Variants in GLI3 observed in about 807,000 individuals in gnomAD.
GLI3 encodes the protein transcription activator GLI3.
GLI3 carries 20 observed loss-of-function variants against 100.8 expected under a neutral mutation model. The observed-to-expected ratio is 0.20, with a 90% CI of 0.14 to 0.29. GLI3 has a LOEUF of 0.29. GLI3 is among the 10% of genes least tolerant of loss of function. The probability of loss-of-function intolerance (pLI) is 1.00; values close to 1 mark genes in which losing one functional copy is unlikely to be tolerated. For synonymous variants in GLI3, 938 were observed against 860.5 expected (o/e 1.09, Z -1.58); for missense variants, 2,040 against 2,128.5 (o/e 0.96, Z 0.82).
At chr7:42,187,643 G>A (rs984370400) in intron 2 of GLI3, among the ~76,000 whole-genome samples, 11 of 152,174 alleles carry the variant, frequency 7.2e-5, no homozygotes, top group Non-Finnish European at 1.2e-4. Flanking sequence ...CTTTGCAGAT[G>A]TAATTTGTAA....
intron 1 of GLI3, among the ~76,000 whole-genome samples, chr7:42,224,339 G>T (rs1421091262): frequency 6.6e-6 from 1 of 152,188 alleles, no homozygotes; most frequent in Non-Finnish European, 1.5e-5. Flanking sequence ...AATGAAATAA[G>T]CAACTGCTTG....
At chr7:42,127,359 C>T (rs556860235) in intron 3 of GLI3, among the ~76,000 whole-genome samples, 88 of 152,340 alleles carry the variant, frequency 5.8e-4, no homozygotes, top group African/African-American at 1.8e-3. Flanking sequence ...AACACACTGA[C>T]ATGTACTTCA....
chr7:41,989,135 G>C (rs574534007), intron 10 of GLI3, among the ~76,000 whole-genome samples: 1 of 152,164 alleles, frequency 6.6e-6, no homozygotes, highest in South Asian at 2.1e-4. Flanking sequence ...AATTGATTAG[G>C]GGCTTAATTA....
chr7:42,223,261 T>C lies in GLI3; in HGVS notation c.-8A>G, dbSNP rs752520783. On this transcript the variant is annotated 5_prime_UTR_variant, in exon 2 of 15. Transcript: ENST00000395925. ...GTGGGACTGGGCCTCCATGATGTCTTCTCATTACTTCAGCTCTCTTCGACC... is the reference window on the plus strand; with the variant it reads ...GTGGGACTGGGCCTCCATGATGTCTCCTCATTACTTCAGCTCTCTTCGACC... 4 of 1,612,640 alleles carry C rather than the reference T, an allele frequency of 2.5e-6. No individual in the cohort carries two copies. Among genetic ancestry groups the C allele is most frequent in the Non-Finnish European group, 3.4e-6 (4 of 1,179,266 alleles).
chr7:42,155,476 C>T (rs1483230571), intron 2 of GLI3, among the ~76,000 whole-genome samples: 2 of 151,530 alleles, frequency 1.3e-5, no homozygotes, highest in African/African-American at 2.4e-5. Context: ...AAATGCCCTC[C>T]ATCAGAGCCA....
chr7:41,982,002 G>C (rs998763911), intron 10 of GLI3, among the ~76,000 whole-genome samples: 6 of 152,072 alleles, frequency 3.9e-5, no homozygotes, highest in African/African-American at 1.4e-4. Context: ...GGGGAGGGGT[G>C]GGGGAAACTT....
intron 10 of GLI3, among the ~76,000 whole-genome samples, chr7:42,009,535 G>A (rs528035342): frequency 3.2e-5 from 4 of 126,698 alleles, no homozygotes; most frequent in Admixed American, 9.6e-5. Flanking sequence ...TTGGTTCATC[G>A]TGCCATTTGT....
At chr7:42,118,452 C>T (rs1785914009) in intron 3 of GLI3, 1 of 396,184 alleles carries the variant, frequency 2.5e-6, no homozygotes, top group African/African-American at 2.1e-5. Flanking sequence ...CACACCAAGT[C>T]TAACACACAG....
At chr7:42,209,415 C>T (rs944558718) in intron 2 of GLI3, among the ~76,000 whole-genome samples, 1 of 152,174 alleles carries the variant, frequency 6.6e-6, no homozygotes, top group Non-Finnish European at 1.5e-5. Context: ...TCTTCAGTGG[C>T]TTTTAACCCA....
At position 41,967,794 on chromosome 7, in the gene GLI3, C is replaced by T. The variant is rs142249104; in HGVS notation, c.2233G>A (p.Asp745Asn). 1.1e-5 allele frequency: 18 copies of T among 1,614,050 alleles called. No homozygotes were observed. The highest frequency in any genetic ancestry group is 5.5e-5 in the South Asian group (5 of 91,084). The change falls in exon 14 of 15, where the codon GAT becomes AAT. Residue 745 changes from aspartate to asparagine, a missense_variant. By Grantham distance (23) the Asp-to-Asn change is conservative (BLOSUM62 1). Coordinates refer to ENST00000395925, the MANE Select transcript of GLI3 (RefSeq NM_000168.6). ...GGSIGDLSAIDETPIMDSTIS... is the reference protein window; with the variant it reads ...GGSIGDLSAINETPIMDSTIS... ...GTTGAGTCCATGATTGGGGTTTCATCGATGGCACTGAGGTCTCCTATACTA... is the reference window on the plus strand; with the variant it reads ...GTTGAGTCCATGATTGGGGTTTCATTGATGGCACTGAGGTCTCCTATACTA...
chr7:42,057,193 A>G (rs941319533), intron 4 of GLI3, among the ~76,000 whole-genome samples: 2 of 152,208 alleles, frequency 1.3e-5, no homozygotes, highest in African/African-American at 4.8e-5. Flanking sequence ...ATTTTGAATT[A>G]TACTTTATTT....
chr7:42,118,474 C>A, intron 3 of GLI3: 1 of 395,340 alleles, frequency 2.5e-6, no homozygotes, highest in Non-Finnish European at 4.5e-6. Flanking sequence ...AACTAGAGAC[C>A]CCTAGCCCCC....
chr7:42,115,086 C>CAAA (rs1785816767), intron 3 of GLI3, among the ~76,000 whole-genome samples: 1 of 144,316 alleles, frequency 6.9e-6, no homozygotes, highest in African/African-American at 2.5e-5. Flanking sequence ...GGGTAGGAGA[C>CAAA]AAAAATGTAA....
At chr7:42,084,901 CTTTTTTTTTTTTTTTTT>C (rs747166719) in intron 3 of GLI3, among the ~76,000 whole-genome samples, 5 of 47,502 alleles carry the variant, frequency 1.1e-4, no homozygotes, top group Non-Finnish European at 1.4e-4. Flanking sequence ...CATTTGGATT[CTTTTTTTTTTTTTTTTT>C]TTTTTTTTTT....
intron 2 of GLI3, among the ~76,000 whole-genome samples, chr7:42,210,108 G>A (rs1454700355): frequency 6.6e-6 from 1 of 151,242 alleles, no homozygotes; most frequent in Non-Finnish European, 1.5e-5. Context: ...CAAGGGTTTT[G>A]GGATTGCTGG....
At chr7:41,982,822 T>C (rs1226729683) in intron 10 of GLI3, among the ~76,000 whole-genome samples, 2 of 152,214 alleles carry the variant, frequency 1.3e-5, no homozygotes, top group African/African-American at 4.8e-5. Flanking sequence ...AGACAATTTC[T>C]GATGAGTTGT....
chr7:42,023,756 C>A (rs1179421587), intron 9 of GLI3, 148 bp from the exon 10 acceptor site: 4 of 682,912 alleles, frequency 5.9e-6, no homozygotes, highest in Non-Finnish European at 1.0e-5. Context: ...AAAATCATAT[C>A]TGTGCATATT....
At chr7:42,102,875 C>T (rs1055359598) in intron 3 of GLI3, among the ~76,000 whole-genome samples, 5 of 152,098 alleles carry the variant, frequency 3.3e-5, no homozygotes, top group African/African-American at 4.8e-5. Flanking sequence ...GTCACACTGG[C>T]GCAGAAATGC....
At chr7:42,211,504 T>A (rs942328092) in intron 2 of GLI3, among the ~76,000 whole-genome samples, 71 of 152,346 alleles carry the variant, frequency 4.7e-4, no homozygotes, top group African/African-American at 1.5e-3. Flanking sequence ...TTTAAATGCT[T>A]GGAACAAATC....
Sources: gnomAD v4.1 joint callset for allele counts (sites outside exome capture counted in the v4.1 genomes callset) on GRCh38, gnomAD v4.1.1 for gene constraint, MANE v1.5 for transcripts, NCBI Gene and HGNC (gene_info 2026-07-23, HGNC 2026-07-21) for gene names.